The following ALDH1B1 variants were observed in gnomAD, a reference collection of about 807,000 sequenced individuals.
ALDH1B1 encodes the protein aldehyde dehydrogenase 1 family member B1, also known as aldehyde dehydrogenase family 1 member B1, mitochondrial.
A neutral mutation model predicts 26.2 loss-of-function variants in ALDH1B1; 19 were observed. That is an observed-to-expected ratio of 0.72 (90% CI 0.51 to 1.06). The LOEUF (loss-of-function observed/expected upper bound fraction) is 1.06, where lower values mean the gene tolerates loss of function less well. ALDH1B1 is among the 50% of genes least tolerant of loss of function. The pLI, the probability that ALDH1B1 is intolerant of heterozygous loss-of-function variation, is 0.00. For missense variants in ALDH1B1, 671 were observed against 683.1 expected (o/e 0.98, Z 0.20); for synonymous variants, 249 against 286.0 (o/e 0.87, Z 1.31).
chr9:38,392,769 C>A lies in ALDH1B1; in HGVS notation c.-48C>A. 1.0e-6 allele frequency: 1 copy of A among 985,610 alleles called. No homozygotes were observed. Among genetic ancestry groups the A allele is most frequent in the East Asian group, 1.1e-4 (1 of 8,812 alleles). 61.1% of individuals were successfully genotyped at this position (985,610 alleles called of 1,614,324 possible). Reference sequence around the variant, plus strand: ...GAGCTGGGAGGGCCGGAACCAGAACCCAAGCGTGATCCTGAACCGGAGCCC... The same window carrying A: ...GAGCTGGGAGGGCCGGAACCAGAACACAAGCGTGATCCTGAACCGGAGCCC... On this transcript the variant is annotated 5_prime_UTR_variant, in exon 1 of 2. Coordinates refer to ENST00000377698, the MANE Select transcript of ALDH1B1 (RefSeq NM_000692.5).
In ALDH1B1 at chr9:38,396,164, T is replaced by G; in HGVS notation, c.416T>G (p.Leu139Trp). Residue 139 changes from leucine (L) to tryptophan (W), a missense_variant, in exon 2 of 2, where the codon TTG (leucine) becomes TGG (tryptophan). Leu to Trp is a moderately conservative substitution (Grantham distance 61). Coordinates refer to ENST00000377698, the MANE Select transcript of ALDH1B1 (RefSeq NM_000692.5). The stretch of plus-strand genomic sequence containing the variant: ...TTCCAAGAGTCTTACGCCTTGGACT[T>G]GGATGAGGTCATCAAGGTGTATCGG... ...KPFQESYALD[L>W]DEVIKVYRYF... The G allele has an allele frequency of 6.2e-7, 1 of 1,614,206 alleles. No individual in the cohort carries two copies.
Position 38,395,905 on chromosome 9 carries a change from A to G in ALDH1B1, c.157A>G (p.Thr53Ala). ...ATGGCAAGATGCAGTCAGCAAGAAG[A>G]CCTTCCCGACGGTCAACCCTACCAC... ...NEWQDAVSKK[T>A]FPTVNPTTGE... The change falls in exon 2 of 2, where the codon ACC becomes GCC. Residue 53 changes from threonine (T) to alanine (A), a missense_variant. By Grantham distance (58) the Thr-to-Ala change is moderately conservative. Coordinates refer to ENST00000377698, the MANE Select transcript of ALDH1B1 (RefSeq NM_000692.5). 6.2e-7 allele frequency: 1 copy of G among 1,613,808 alleles called. No individual in the cohort carries two copies. Among genetic ancestry groups the G allele is most frequent in the Non-Finnish European group, 8.5e-7 (1 of 1,180,016 alleles).
chr9:38,393,174 A>G (rs4646770), intron 1 of ALDH1B1, among the ~76,000 whole-genome samples: 31,036 of 152,230 alleles, frequency 0.2, 3,914 homozygotes, highest in Middle Eastern at 0.31. Flanking sequence ...CGGATAGAGA[A>G]GGTCCGGTCC....
Position 38,397,178 on chromosome 9 carries a change from C to T in ALDH1B1, c.1430C>T (p.Thr477Ile). The T allele has an allele frequency of 1.9e-6, 3 of 1,614,152 alleles. No individual in the cohort carries two copies. Among genetic ancestry groups the T allele is most frequent in the South Asian group, 1.1e-5 (1 of 91,072 alleles). The change falls in exon 2 of 2, where the codon ACC (threonine) becomes ATC (isoleucine). Residue 477 changes from threonine to isoleucine, a missense_variant. By Grantham distance (89) the Thr-to-Ile change is moderately conservative. Coordinates refer to ENST00000377698, the MANE Select transcript of ALDH1B1 (RefSeq NM_000692.5). ...TVWVNTYNIV[T>I]CHTPFGGFKE... ...TGGGTAAACACCTACAACATCGTCA[C>T]CTGCCACACGCCATTTGGAGGGTTT...
Position 38,398,521 on chromosome 9 carries a change from G to A in ALDH1B1, c.*1219G>A, listed in dbSNP as rs1424484633. 1 of 155,384 alleles carries A rather than the reference G, an allele frequency of 6.4e-6. No homozygotes were observed. The highest frequency in any genetic ancestry group is 1.5e-5 in the Non-Finnish European group (1 of 68,014). The allele number at this position is 155,384 out of a possible 1,614,324, so 9.6% of individuals were successfully genotyped here. ...GTAGAGATGAGGTTTCACCATTTTG[G>A]CCAGGCTGATCTTGAACTCCTGACC... On this transcript the variant is annotated 3_prime_UTR_variant, in exon 2 of 2. Coordinates refer to ENST00000377698, the MANE Select transcript of ALDH1B1 (RefSeq NM_000692.5).
In ALDH1B1 at chr9:38,397,096, A is replaced by G. The variant is rs1455125606; in HGVS notation, c.1348A>G (p.Thr450Ala). The change falls in exon 2 of 2, where the codon ACC (threonine) becomes GCC (alanine). Residue 450 changes from threonine (T) to alanine (A), a missense_variant. Thr to Ala is a moderately conservative substitution (Grantham distance 58, BLOSUM62 0). Coordinates refer to ENST00000377698, the MANE Select transcript of ALDH1B1 (RefSeq NM_000692.5). Reference sequence around the variant, plus strand: ...GTATGGCCTGGCTGCGGCTGTGTTCACCCGGGATCTGGACAAGGCCATGTA... The same window carrying G: ...GTATGGCCTGGCTGCGGCTGTGTTCGCCCGGGATCTGGACAAGGCCATGTA... ...TRYGLAAAVF[T>A]RDLDKAMYFT... is the part of the protein sequence containing the mutation. The G allele has an allele frequency of 6.2e-7, 1 of 1,613,904 alleles. No individual in the cohort carries two copies. Among genetic ancestry groups the G allele is most frequent in the Non-Finnish European group, 8.5e-7 (1 of 1,180,010 alleles).
In ALDH1B1 at chr9:38,396,649, G is replaced by C; in HGVS notation, c.901G>C (p.Glu301Gln). Residue 301 changes from glutamate (E) to glutamine (Q), a missense_variant, in exon 2 of 2, where the codon GAG (glutamate) becomes CAG (glutamine). Coordinates refer to ENST00000377698, the MANE Select transcript of ALDH1B1 (RefSeq NM_000692.5). ...PSIVLADADMEHAVEQCHEAL... is the reference protein window; with the variant it reads ...PSIVLADADMQHAVEQCHEAL... ...CATCGTGCTGGCCGATGCTGACATG[G>C]AGCATGCCGTGGAGCAGTGCCACGA... 1 of 1,614,162 alleles carries C rather than the reference G, an allele frequency of 6.2e-7. No individual in the cohort carries two copies. Among genetic ancestry groups the C allele is most frequent in the Non-Finnish European group, 8.5e-7 (1 of 1,180,030 alleles).
chr9:38,394,922 G>C, intron 1 of ALDH1B1, among the ~76,000 whole-genome samples: 1 of 152,176 alleles, frequency 6.6e-6, no homozygotes. Flanking sequence ...CTTCTCAGCT[G>C]CCTCCTGACT....
Position 38,396,108 on chromosome 9 carries a change from C to T in ALDH1B1, c.360C>T (p.Ala120=). The change falls in exon 2 of 2, where the codon GCC becomes GCT. Residue 120 remains alanine (A), a synonymous_variant. Transcript: ENST00000377698. The part of the protein sequence containing the change: ...DLVERDRVYL[A]SLETLDNGKP... ...TGGAGCGGGATCGAGTCTACTTGGC[C>T]TCACTCGAGACCTTGGACAATGGGA... is the stretch of plus-strand genomic sequence containing the variant. The T allele has an allele frequency of 6.2e-7, 1 of 1,614,224 alleles. No individual in the cohort carries two copies. The highest frequency in any genetic ancestry group is 1.3e-5 in the African/African-American group (1 of 75,062).
chr9:38,395,626 AGAG>A (rs1821262720), intron 1 of ALDH1B1, 111 bp from the exon 2 acceptor site: 12 of 1,397,648 alleles, frequency 8.6e-6, no homozygotes. Context: ...CTGTGTTTTT[AGAG>A]GTGACAGTCC....
In ALDH1B1 at chr9:38,396,385, C is replaced by T. The variant is rs1290194572; in HGVS notation, c.637C>T (p.Gln213Ter). ...CACTGTGGTTATGAAGGTGGCAGAG[C>T]AGACCCCCCTCTCTGCCCTGTATTT... ...GNTVVMKVAE[Q>*]TPLSALYLAS... The change falls in exon 2 of 2, where the codon CAG (glutamine) becomes TAG (stop). Residue 213 changes from glutamine to a stop codon, truncating the protein, a stop_gained. Transcript: ENST00000377698. LOFTEE classifies it high-confidence loss of function. 15 of 1,614,210 alleles carry T rather than the reference C, an allele frequency of 9.3e-6. 1 individual carries two copies. The highest frequency in any genetic ancestry group is 1.3e-5 in the Non-Finnish European group (15 of 1,180,046).
chr9:38,395,398 T>A (rs1286217038), intron 1 of ALDH1B1, among the ~76,000 whole-genome samples: 1 of 152,046 alleles, frequency 6.6e-6, no homozygotes, highest in African/African-American at 2.4e-5. Flanking sequence ...GTAAAGATAG[T>A]ATTTGGGATG....
At position 38,397,174 on chromosome 9, in the gene ALDH1B1, G is replaced by A. The variant is rs551289360; in HGVS notation, c.1426G>A (p.Val476Ile). The change falls in exon 2 of 2, where the codon GTC becomes ATC. Residue 476 changes from valine (V) to isoleucine (I), a missense_variant. Coordinates refer to ENST00000377698, the MANE Select transcript of ALDH1B1 (RefSeq NM_000692.5). The part of the protein sequence containing the change: ...GTVWVNTYNI[V>I]TCHTPFGGFK... ...CGTGTGGGTAAACACCTACAACATC[G>A]TCACCTGCCACACGCCATTTGGAGG... 2.3e-5 allele frequency: 37 copies of A among 1,614,118 alleles called. No individual in the cohort carries two copies. The highest frequency in any genetic ancestry group is 2.2e-4 in the South Asian group (20 of 91,074).
Position 38,397,579 on chromosome 9 carries a change from T to A in ALDH1B1, c.*277T>A. 2.5e-6 allele frequency: 1 copy of A among 398,304 alleles called. No individual in the cohort carries two copies. Among genetic ancestry groups the A allele is most frequent in the Non-Finnish European group, 4.7e-6 (1 of 214,486 alleles). The allele number at this position is 398,304 out of a possible 1,614,324, so 24.7% of individuals were successfully genotyped here. ...ATCTTAGGAGTCTCTGGAGGACAGA[T>A]TAAAAACCAGTGATCTGTAATTTGT... On this transcript the variant is annotated 3_prime_UTR_variant, in exon 2 of 2. Coordinates refer to ENST00000377698, the MANE Select transcript of ALDH1B1 (RefSeq NM_000692.5).
In ALDH1B1 at chr9:38,398,314, CTT is replaced by C. The variant is rs544033194; in HGVS notation, c.*1029_*1030del. 5.5e-4 allele frequency: 75 copies of C among 135,170 alleles called. No homozygotes were observed. The highest frequency in any genetic ancestry group is 1.7e-4 in the Admixed American group (2 of 11,912). The allele number at this position is 135,170 out of a possible 1,614,324, so 8.4% of individuals were successfully genotyped here. A position where few individuals can be genotyped will look rare whatever the true frequency, so the allele number is the denominator to read the frequency against. The stretch of plus-strand genomic sequence containing the variant: ...TATGAATTAATTTCTTTCTTTTTTT[CTT>C]TTTTTTTTTTTTTTTTGACACGGAG... On this transcript the variant is annotated 3_prime_UTR_variant, in exon 2 of 2. Transcript: ENST00000377698.
rs747237811 is a variant in ALDH1B1 at position 38,396,658 on chromosome 9, G to A, written c.910G>A (p.Val304Met). ...GGCCGATGCTGACATGGAGCATGCC[G>A]TGGAGCAGTGCCACGAAGCCCTGTT... ...VLADADMEHA[V>M]EQCHEALFFN... Residue 304 changes from valine to methionine, a missense_variant, in exon 2 of 2, where the codon GTG (valine) becomes ATG (methionine). By Grantham distance (21) the Val-to-Met change is conservative. Coordinates refer to ENST00000377698, the MANE Select transcript of ALDH1B1 (RefSeq NM_000692.5). 25 of 1,614,092 alleles carry A rather than the reference G, an allele frequency of 1.5e-5. No homozygotes were observed. The highest frequency in any genetic ancestry group is 2.7e-5 in the African/African-American group (2 of 74,952).
chr9:38,394,565 C>T (rs762041327), intron 1 of ALDH1B1: 16 of 984,696 alleles, frequency 1.6e-5, no homozygotes, highest in East Asian at 2.3e-4. Flanking sequence ...GCGTTACCAG[C>T]GTAAGCCACC....
At position 38,396,874 on chromosome 9, in the gene ALDH1B1, C is replaced by T. The variant is rs1821303331; in HGVS notation, c.1126C>T (p.Leu376Phe). 6.2e-7 allele frequency: 1 copy of T among 1,614,242 alleles called. No individual in the cohort carries two copies. Among genetic ancestry groups the T allele is most frequent in the Non-Finnish European group, 8.5e-7 (1 of 1,180,042 alleles). The change falls in exon 2 of 2, where the codon CTT becomes TTT. Residue 376 changes from leucine (L) to phenylalanine (F), a missense_variant. Transcript: ENST00000377698. The part of the protein sequence containing the change: ...QFERVLGYIQ[L>F]GQKEGAKLLC... ...TGAACGAGTCCTAGGCTACATCCAGCTTGGCCAGAAGGAGGGCGCAAAACT... is the reference window on the plus strand; with the variant it reads ...TGAACGAGTCCTAGGCTACATCCAGTTTGGCCAGAAGGAGGGCGCAAAACT...
At chr9:38,392,944 A>G (rs1821218028) in intron 1 of ALDH1B1, 137 bp downstream of exon 1, 14 of 973,004 alleles carry the variant, frequency 1.4e-5, no homozygotes, top group Non-Finnish European at 1.5e-5. Flanking sequence ...GACTCTCTCC[A>G]CGTCCCCTAA....
Sources: allele counts gnomAD v4.1 joint callset (sites outside exome capture counted in the v4.1 genomes callset), GRCh38; gene constraint gnomAD v4.1.1; transcripts MANE v1.5; gene names NCBI Gene and HGNC (gene_info 2026-07-23, HGNC 2026-07-21).